The following EXOC2 variants were observed in gnomAD, a reference collection of about 807,000 sequenced individuals.
EXOC2 encodes the protein SEC5-like 1.
A neutral mutation model predicts 131.8 loss-of-function variants in EXOC2; 70 were observed. The observed-to-expected ratio is 0.53, with a 90% CI of 0.44 to 0.65. The LOEUF (loss-of-function observed/expected upper bound fraction) is 0.65. Among genes scored for constraint, EXOC2 ranks in the 30% least tolerant of loss-of-function variants. EXOC2 has a pLI of 0.00. For synonymous variants in EXOC2, 411 were observed against 398.4 expected (o/e 1.03, Z -0.38); for missense variants, 923 against 1,108.6 (o/e 0.83, Z 2.38).
chr6:559,376 C>G (rs548832919), intron 17 of EXOC2, among the ~76,000 whole-genome samples: 1 of 152,218 alleles, frequency 6.6e-6, no homozygotes, highest in South Asian at 2.1e-4. Flanking sequence ...ATGGGATTTT[C>G]TAAACATTGA....
rs368014287 is a variant in EXOC2, at chr6:682,421, A to C, written c.-44+10598T>G. On this transcript the variant is annotated intron_variant, in intron 1 of 27. Transcript: ENST00000230449. ...TTCTCTGTGTTAGCCAGGATGGTCT[A>C]GATCTCCTGACCTCGTGATCTGCCC... Among the ~76,000 whole-genome samples, 117 of 152,058 alleles carry C rather than the reference A, an allele frequency of 7.7e-4. 2 individuals are homozygous for C. The East Asian group carries it at 0.014, about 18-fold the overall frequency.
At chr6:692,095 A>C (rs985853048) in intron 1 of EXOC2, among the ~76,000 whole-genome samples, 7 of 152,234 alleles carry the variant, frequency 4.6e-5, no homozygotes, top group Admixed American at 1.3e-4. Context: ...TAAGCTCAGA[A>C]GTAACTTTTC....
At chr6:587,351 TCTC>T (rs1759266820) in intron 11 of EXOC2, among the ~76,000 whole-genome samples, 1 of 151,978 alleles carries the variant, frequency 6.6e-6, no homozygotes, top group Non-Finnish European at 1.5e-5. Context: ...TTCCTGCCAT[TCTC>T]CTGCCCCAGC....
intron 13 of EXOC2, among the ~76,000 whole-genome samples, chr6:567,366 T>A: frequency 6.6e-6 from 1 of 152,232 alleles, no homozygotes; most frequent in East Asian, 1.9e-4. Flanking sequence ...TCAGTTTCAA[T>A]ATCACCTCCA....
At chr6:656,439 A>G (rs1763095960) in intron 1 of EXOC2, 3 of 1,613,680 alleles carry the variant, frequency 1.9e-6, no homozygotes, top group Non-Finnish European at 8.5e-7. Context: ...CATCCTCTCC[A>G]CGATGCTCCT....
intron 13 of EXOC2, 117 bp downstream of exon 13, chr6:572,403 G>T (rs1581466165): frequency 7.7e-7 from 1 of 1,295,828 alleles, no homozygotes. Flanking sequence ...TTTAAACTAT[G>T]ACGATGGCTA....
At chr6:645,014 C>A (rs547076052) in intron 1 of EXOC2, among the ~76,000 whole-genome samples, 2 of 152,136 alleles carry the variant, frequency 1.3e-5, no homozygotes, top group South Asian at 2.1e-4. Context: ...CCAAACCAAT[C>A]TTAGGAGGAA....
At chr6:591,542 C>T (rs1294026118) in intron 11 of EXOC2, among the ~76,000 whole-genome samples, 1 of 152,176 alleles carries the variant, frequency 6.6e-6, no homozygotes, top group African/African-American at 2.4e-5. Context: ...CAGAATGTCA[C>T]TCCCCTGACC....
intron 23 of EXOC2, among the ~76,000 whole-genome samples, chr6:504,316 C>T (rs1200636665): frequency 6.6e-6 from 1 of 152,214 alleles, no homozygotes; most frequent in Admixed American, 6.5e-5. Flanking sequence ...AGAGGGGCTC[C>T]GTGTGCATCC....
At chr6:566,576 C>T (rs1757978711) in intron 13 of EXOC2, among the ~76,000 whole-genome samples, 1 of 152,228 alleles carries the variant, frequency 6.6e-6, no homozygotes, top group African/African-American at 2.4e-5. Context: ...AGACCAGAAT[C>T]AGAACGTGGT....
At chr6:666,171 A>T (rs907103899) in intron 1 of EXOC2, among the ~76,000 whole-genome samples, 2 of 152,092 alleles carry the variant, frequency 1.3e-5, no homozygotes, top group East Asian at 3.9e-4. Flanking sequence ...ATGGCAAGTC[A>T]GCATCCTTTC....
chr6:498,020 A>G (rs1269425671), intron 24 of EXOC2, among the ~76,000 whole-genome samples: 1 of 152,244 alleles, frequency 6.6e-6, no homozygotes, highest in Non-Finnish European at 1.5e-5. Context: ...TTCAAACCTT[A>G]AAGTTTGAGA....
intron 1 of EXOC2, chr6:656,787 C>T (rs1024925567): frequency 3.1e-6 from 5 of 1,602,584 alleles, no homozygotes; most frequent in Non-Finnish European, 4.3e-6. Context: ...GCACCACAGC[C>T]TGGCCTCGTG....
chr6:557,611 T>A (rs12209201), intron 17 of EXOC2, among the ~76,000 whole-genome samples: 51,567 of 115,106 alleles, frequency 0.45, 11,782 homozygotes, highest in South Asian at 0.69. Context: ...GAGAGAGACT[T>A]CATCTCAAAA....
intron 24 of EXOC2, among the ~76,000 whole-genome samples, chr6:499,268 G>A (rs1262459706): frequency 6.6e-6 from 1 of 152,134 alleles, no homozygotes; most frequent in Non-Finnish European, 1.5e-5. Flanking sequence ...GTGCTTATTT[G>A]TACACAGGCT....
At chr6:558,857 A>G (rs1414337452) in intron 17 of EXOC2, among the ~76,000 whole-genome samples, 1 of 152,026 alleles carries the variant, frequency 6.6e-6, no homozygotes, top group African/African-American at 2.4e-5. Context: ...GTTGATGTTC[A>G]TGTGTGGTTG....
Position 485,307 on chromosome 6 carries a change from G to A in EXOC2, c.*1364C>T, listed in dbSNP as rs900924618. On this transcript the variant is annotated 3_prime_UTR_variant, in exon 28 of 28. Transcript: ENST00000230449. ...AGACAATTCTTAACAGCTTTATCAA[G>A]CACATTTGTGAAAGATTAAACTTTC... is the stretch of plus-strand genomic sequence containing the variant. 1 of 152,138 alleles carries A rather than the reference G, an allele frequency of 6.6e-6. No homozygotes were observed. Among genetic ancestry groups the A allele is most frequent in the African/African-American group, 2.4e-5 (1 of 41,432 alleles). 9.4% of individuals were successfully genotyped at this position (152,138 alleles called of 1,614,324 possible). A position where few individuals can be genotyped will look rare whatever the true frequency, so the allele number is the denominator to read the frequency against.
intron 10 of EXOC2, among the ~76,000 whole-genome samples, chr6:596,515 G>A (rs925532740): frequency 3.3e-5 from 5 of 150,258 alleles, no homozygotes; most frequent in African/African-American, 1.0e-4. Flanking sequence ...CTACAGGCAT[G>A]CATCCCCGCA....
intron 23 of EXOC2, among the ~76,000 whole-genome samples, chr6:518,877 T>C (rs1049002720): frequency 2.0e-5 from 3 of 152,238 alleles, no homozygotes; most frequent in African/African-American, 7.2e-5. Context: ...TAATTCAGAA[T>C]AGTCCTAGGG....
Sources: allele counts gnomAD v4.1 joint callset (sites outside exome capture counted in the v4.1 genomes callset), GRCh38; gene constraint gnomAD v4.1.1; transcripts MANE v1.5; gene names NCBI Gene and HGNC (gene_info 2026-07-23, HGNC 2026-07-21).